Variants in NTM observed in about 807,000 individuals in gnomAD.
The protein encoded by NTM is neurotrimin.
A neutral mutation model predicts 42.1 loss-of-function variants in NTM; 13 were observed. The observed-to-expected ratio is 0.31, with a 90% CI of 0.20 to 0.49. The LOEUF is 0.49. NTM is among the 20% of genes least tolerant of loss of function. The pLI is 0.99. For missense variants in NTM, 373 were observed against 452.8 expected (o/e 0.82, Z 1.60); for synonymous variants, 187 against 179.2 (o/e 1.04, Z -0.35).
chr11:131,777,169 T>C (rs2087154263), intron 1 of NTM: 2 of 584,830 alleles, frequency 3.4e-6, no homozygotes, highest in Non-Finnish European at 2.2e-6. Flanking sequence ...TGCCCACTAC[T>C]GCCTTGGTAG....
chr11:131,420,277 T>A (rs1178919909), intron 1 of NTM, among the ~76,000 whole-genome samples: 3 of 151,878 alleles, frequency 2.0e-5, no homozygotes, highest in Non-Finnish European at 2.9e-5. Flanking sequence ...GGAGACCTGA[T>A]GATGGGAGAA....
At chr11:131,742,234 T>TA (rs1254439552) in intron 1 of NTM, among the ~76,000 whole-genome samples, 2 of 152,142 alleles carry the variant, frequency 1.3e-5, no homozygotes, top group African/African-American at 4.8e-5. Context: ...AGTCAAAAGA[T>TA]AAAAAATAAA....
chr11:131,911,720 T>C, intron 2 of NTM, 72 bp downstream of exon 2: 1 of 1,584,040 alleles, frequency 6.3e-7, no homozygotes, highest in South Asian at 1.1e-5. Context: ...GGTGCAGGTG[T>C]GTGCACTGAG....
chr11:132,009,232 AG>A (rs1185759737), intron 2 of NTM, among the ~76,000 whole-genome samples: 1 of 152,176 alleles, frequency 6.6e-6, no homozygotes, highest in African/African-American at 2.4e-5. Context: ...TGCCTGCAAG[AG>A]TCCTGTAAGT....
chr11:131,630,499 G>A (rs1043535032), intron 1 of NTM, among the ~76,000 whole-genome samples: 9 of 152,108 alleles, frequency 5.9e-5, no homozygotes, highest in Non-Finnish European at 1.2e-4. Flanking sequence ...ATCTTTGCAT[G>A]ATAAGAGTTT....
At chr11:131,504,697 A>AGCGTGC (rs1226156382) in intron 1 of NTM, among the ~76,000 whole-genome samples, 6 of 151,992 alleles carry the variant, frequency 3.9e-5, no homozygotes, top group African/African-American at 1.4e-4. Flanking sequence ...CTCCATGGCC[A>AGCGTGC]TCTGGGTGTC....
intron 1 of NTM, among the ~76,000 whole-genome samples, chr11:131,719,751 G>C (rs997837124): frequency 7.9e-5 from 12 of 152,104 alleles, no homozygotes; most frequent in African/African-American, 2.9e-4. Flanking sequence ...GTGGTAATGG[G>C]GGTTGAGCAG....
chr11:132,079,059 G>A (rs185821285), intron 2 of NTM, among the ~76,000 whole-genome samples: 85 of 152,250 alleles, frequency 5.6e-4, no homozygotes, highest in Non-Finnish European at 3.8e-4. Flanking sequence ...CTTGGTGAGC[G>A]CGAGCCCACG....
intron 8 of NTM, among the ~76,000 whole-genome samples, chr11:132,332,084 G>T (rs377644414): frequency 3.9e-5 from 6 of 152,188 alleles, no homozygotes; most frequent in Non-Finnish European, 5.9e-5. Flanking sequence ...CTTGGAATTC[G>T]CATAAAGAAT....
chr11:131,393,185 C>T (rs551185572), intron 1 of NTM, among the ~76,000 whole-genome samples: 63 of 152,270 alleles, frequency 4.1e-4, no homozygotes, highest in African/African-American at 9.9e-4. Context: ...AGGGACCTCA[C>T]GGACCCTGCT....
chr11:131,663,621 A>C (rs2068481421), intron 1 of NTM: 1 of 152,210 alleles, frequency 6.6e-6, no homozygotes, highest in African/African-American at 2.4e-5. Context: ...AGAGATGGAA[A>C]CAAAGAACTC....
intron 2 of NTM, among the ~76,000 whole-genome samples, chr11:132,143,688 G>A (rs576025454): frequency 6.6e-6 from 1 of 152,276 alleles, no homozygotes; most frequent in Admixed American, 6.5e-5. Flanking sequence ...GAAGGTCAGA[G>A]CAGTGGCCAC....
At chr11:131,646,974 A>G (rs1236143900) in intron 1 of NTM, among the ~76,000 whole-genome samples, 1 of 152,258 alleles carries the variant, frequency 6.6e-6, no homozygotes, top group Non-Finnish European at 1.5e-5. Context: ...AAATGTGGAC[A>G]GAACACGCAA....
chr11:131,725,355 T>C (rs2078834079), intron 1 of NTM, among the ~76,000 whole-genome samples: 1 of 152,132 alleles, frequency 6.6e-6, no homozygotes. Context: ...TTTGAGGAAG[T>C]AAAATAGGCC....
At chr11:132,038,022 C>T (rs1285764039) in intron 2 of NTM, among the ~76,000 whole-genome samples, 1 of 152,208 alleles carries the variant, frequency 6.6e-6, no homozygotes, top group African/African-American at 2.4e-5. Context: ...AAATATTAGA[C>T]CGTGCATGTG....
At chr11:131,532,199 A>T (rs2051380029) in intron 1 of NTM, among the ~76,000 whole-genome samples, 1 of 152,226 alleles carries the variant, frequency 6.6e-6, no homozygotes, top group South Asian at 2.1e-4. Flanking sequence ...CATCCCAAAC[A>T]GAAAATACAT....
chr11:131,853,052 T>A (rs1262311034), intron 1 of NTM, among the ~76,000 whole-genome samples: 1 of 151,974 alleles, frequency 6.6e-6, no homozygotes, highest in African/African-American at 2.4e-5. Context: ...CATCCATGCA[T>A]CCATTCACTC....
intron 2 of NTM, among the ~76,000 whole-genome samples, chr11:132,055,181 T>C (rs2079438904): frequency 6.6e-6 from 1 of 152,202 alleles, no homozygotes; most frequent in Non-Finnish European, 1.5e-5. Context: ...TTCTTAAATC[T>C]TCTCACTTGA....
intron 1 of NTM, among the ~76,000 whole-genome samples, chr11:131,834,650 A>ATATATATAT (rs1406461967): frequency 2.7e-5 from 4 of 147,446 alleles, no homozygotes; most frequent in Non-Finnish European, 4.5e-5. Context: ...ATATATGTAT[A>ATATATATAT]ATCTTCACAG....
Sources: gnomAD v4.1 joint callset for allele counts (sites outside exome capture counted in the v4.1 genomes callset) on GRCh38, gnomAD v4.1.1 for gene constraint, MANE v1.5 for transcripts, NCBI Gene and HGNC (gene_info 2026-07-23, HGNC 2026-07-21) for gene names.